OR1L8: variants seen among roughly 807,000 people sequenced by gnomAD.
OR1L8 encodes olfactory receptor 1L8.
For synonymous variants in OR1L8, 148 were observed against 147.0 expected, an observed-to-expected ratio of 1.01 and a Z score of -0.05; for missense variants, 330 against 377.4, an observed-to-expected ratio of 0.87 and a Z score of 1.04.
the OR1L8 span, among the ~76,000 whole-genome samples, chr9:122,550,029 T>C: frequency 6.6e-6 from 1 of 151,692 alleles, no homozygotes; most frequent in East Asian, 2.0e-4. Context: ...TCATCTAAAA[T>C]TTCTTTCTTC....
At chr9:122,569,152 A>T (rs986374083) in intron 4 of OR1L8, among the ~76,000 whole-genome samples, 1 of 152,132 alleles carries the variant, frequency 6.6e-6, no homozygotes, top group Non-Finnish European at 1.5e-5. Flanking sequence ...TGCTCTGCTC[A>T]CAGAATGAAA....
At chr9:122,546,996 TA>T in the OR1L8 span, among the ~76,000 whole-genome samples, 1 of 152,168 alleles carries the variant, frequency 6.6e-6, no homozygotes, top group Non-Finnish European at 1.5e-5. Flanking sequence ...CTATGTAATG[TA>T]TTATTGTTAA....
At chr9:122,572,938 ACTACT>A (rs1179039073) in intron 3 of OR1L8, 30 bp from the exon 4 acceptor site, 3 of 152,228 alleles carry the variant, frequency 2.0e-5, no homozygotes, top group Non-Finnish European at 4.4e-5. Flanking sequence ...GAACTGAAAC[ACTACT>A]CTAAAGGAAT....
chr9:122,557,482 T>C, the OR1L8 span, among the ~76,000 whole-genome samples: 1 of 152,100 alleles, frequency 6.6e-6, no homozygotes, highest in South Asian at 2.1e-4. Flanking sequence ...AGTTGTTCTT[T>C]AGTCTATTGA....
intron 4 of OR1L8, among the ~76,000 whole-genome samples, chr9:122,571,946 A>G (rs1457271806): frequency 6.6e-6 from 1 of 152,138 alleles, no homozygotes; most frequent in Non-Finnish European, 1.5e-5. Flanking sequence ...AAAGAGGTTC[A>G]ATTGCCTCAC....
In OR1L8 at chr9:122,568,245, A is replaced by G. The variant is rs1371918844; in HGVS notation, c.233T>C (p.Val78Ala). The change falls in exon 5 of 5, where the codon GTT becomes GCT. Residue 78 changes from valine to alanine, a missense_variant. Transcript: ENST00000641027. ...SLTDICFTTS[V>A]VPKMLMNFLS... ...GAAGTTCATCAGCATCTTGGGGACA[A>G]CGCTTGTTGTAAAGCAAATATCAGT... 1.2e-6 allele frequency: 2 copies of G among 1,614,136 alleles called. No individual in the cohort carries two copies. Among genetic ancestry groups the G allele is most frequent in the South Asian group, 1.1e-5 (1 of 91,068 alleles).
rs1305178661 is a variant in OR1L8, at chr9:122,568,187, C to T, written c.291G>A (p.Gly97=). Residue 97 remains glycine, a synonymous_variant, in exon 5 of 5, where the codon GGG becomes GGA. Coordinates refer to ENST00000641027, the MANE Select transcript of OR1L8 (RefSeq NM_001004454.2). ...LSEKKTISYA[G]CLTQMYFLYA... is the part of the protein sequence containing the mutation. ...AGAGAAAATACATCTGTGTCAGACA[C>T]CCAGCATAGGAGATGGTCTTCTTTT... The T allele has an allele frequency of 9.9e-6, 16 of 1,614,082 alleles. No homozygotes were observed. The highest frequency in any genetic ancestry group is 1.7e-5 in the Admixed American group (1 of 60,006).
intron 1 of OR1L8, among the ~76,000 whole-genome samples, chr9:122,580,412 AACCATT>A (rs1030430222): frequency 6.6e-6 from 1 of 152,230 alleles, no homozygotes; most frequent in Admixed American, 6.5e-5. Flanking sequence ...TTACAAATAA[AACCATT>A]GAATAATAAC....
the OR1L8 span, among the ~76,000 whole-genome samples, chr9:122,557,201 A>T: frequency 6.6e-6 from 1 of 152,074 alleles, no homozygotes; most frequent in Non-Finnish European, 1.5e-5. Flanking sequence ...ATTCCTTCTG[A>T]ATCTGTATAC....
the OR1L8 span, among the ~76,000 whole-genome samples, chr9:122,551,782 T>C: frequency 6.6e-6 from 1 of 151,964 alleles, no homozygotes. Context: ...GAGATGGTGT[T>C]CTAGGAGCCT....
chr9:122,581,954 CAG>C (rs950192005), intron 1 of OR1L8, among the ~76,000 whole-genome samples: 15 of 152,040 alleles, frequency 9.9e-5, no homozygotes, highest in South Asian at 2.1e-4. Context: ...TAAATAAAGA[CAG>C]AACTTTATTT....
chr9:122,553,667 G>A, the OR1L8 span: 8 of 1,613,998 alleles, frequency 5.0e-6, no homozygotes, highest in Non-Finnish European at 6.8e-6. Context: ...GTGTGTGCTG[G>A]GTGCTAACCA....
At chr9:122,582,916 A>G (rs1447770662) in intron 1 of OR1L8, among the ~76,000 whole-genome samples, 2 of 152,132 alleles carry the variant, frequency 1.3e-5, no homozygotes, top group Non-Finnish European at 2.9e-5. Flanking sequence ...CTCAACAGCA[A>G]TTTAGATACA....
chr9:122,575,987 T>C (rs1219188433), intron 3 of OR1L8, among the ~76,000 whole-genome samples: 1 of 152,194 alleles, frequency 6.6e-6, no homozygotes, highest in African/African-American at 2.4e-5. Context: ...GTGTGCAATA[T>C]TTTTATTTCT....
chr9:122,558,549 C>A, the OR1L8 span, among the ~76,000 whole-genome samples: 6 of 151,260 alleles, frequency 4.0e-5, no homozygotes, highest in Non-Finnish European at 7.4e-5. Context: ...TAAGTAATTT[C>A]TTATTATTTT....
At chr9:122,573,381 G>T (rs530632149) in intron 3 of OR1L8, among the ~76,000 whole-genome samples, 1 of 152,336 alleles carries the variant, frequency 6.6e-6, no homozygotes, top group South Asian at 2.1e-4. Flanking sequence ...ATCAAGAGTG[G>T]ATAAATATTT....
At chr9:122,555,935 G>A in the OR1L8 span, among the ~76,000 whole-genome samples, 1 of 152,120 alleles carries the variant, frequency 6.6e-6, no homozygotes, top group African/African-American at 2.4e-5. Context: ...TGCATTCTGT[G>A]GGTTTTGACA....
the OR1L8 span, among the ~76,000 whole-genome samples, chr9:122,560,524 G>A: frequency 6.6e-6 from 1 of 152,138 alleles, no homozygotes; most frequent in African/African-American, 2.4e-5. Flanking sequence ...CAGGCCTGGT[G>A]GTGACAAAAT....
At chr9:122,580,860 A>C (rs1242528655) in intron 1 of OR1L8, among the ~76,000 whole-genome samples, 1 of 150,912 alleles carries the variant, frequency 6.6e-6, no homozygotes, top group African/African-American at 2.4e-5. Context: ...AACTACTAAA[A>C]AGTGTCCCAA....
Sources: gnomAD v4.1 joint callset for allele counts (sites outside exome capture counted in the v4.1 genomes callset) on GRCh38, gnomAD v4.1.1 for gene constraint, MANE v1.5 for transcripts, NCBI Gene and HGNC (gene_info 2026-07-23, HGNC 2026-07-21) for gene names.